The following BSCL2 variants were observed in gnomAD, a reference collection of about 807,000 sequenced individuals.
The protein encoded by BSCL2 is seipin.
BSCL2 carries 41 observed loss-of-function variants against 57.4 expected under a neutral mutation model. The ratio of observed to expected loss-of-function variants is 0.71; its 90% confidence interval spans 0.56 to 0.93. The LOEUF (loss-of-function observed/expected upper bound fraction) is 0.93. Among genes scored for constraint, BSCL2 ranks in the 40% least tolerant of loss-of-function variants. BSCL2 has a pLI of 0.00. For synonymous variants in BSCL2, 237 were observed against 227.3 expected (o/e 1.04, Z -0.38); for missense variants, 539 against 586.7 (o/e 0.92, Z 0.84).
intron 3 of BSCL2, among the ~76,000 whole-genome samples, chr11:62,698,023 TCA>T (rs1329438838): frequency 6.7e-6 from 1 of 149,984 alleles, no homozygotes; most frequent in Non-Finnish European, 1.5e-5. Context: ...TTCTCCTGCC[TCA>T]GTCTCCCGAG....
chr11:62,691,439 G>C lies in BSCL2; in HGVS notation c.864-18C>G. The stretch of plus-strand genomic sequence containing the variant: ...GCAGGTATCTGAGGCAGGAAGTAGG[G>C]ACAAGAAGGTAGTAGCAGTTACCAG... On this transcript the variant is annotated intron_variant, in intron 6 of 10. Coordinates refer to ENST00000360796, the MANE Select transcript of BSCL2 (RefSeq NM_001122955.4). 3 of 1,613,864 alleles carry C rather than the reference G, an allele frequency of 1.9e-6. No individual in the cohort carries two copies. Among genetic ancestry groups the C allele is most frequent in the Non-Finnish European group, 2.5e-6 (3 of 1,179,796 alleles).
intron 2 of BSCL2, among the ~76,000 whole-genome samples, chr11:62,704,613 G>A (rs921012885): frequency 6.6e-6 from 1 of 151,588 alleles, no homozygotes. Context: ...TTAGCCAGAT[G>A]TGGTGGCACA....
chr11:62,702,955 A>G (rs1945689027), intron 2 of BSCL2, among the ~76,000 whole-genome samples: 1 of 152,088 alleles, frequency 6.6e-6, no homozygotes, highest in African/African-American at 2.4e-5. Flanking sequence ...GTTTAAGACC[A>G]GCCTGACCAA....
At chr11:62,703,778 T>C (rs750826437) in intron 2 of BSCL2, among the ~76,000 whole-genome samples, 4 of 152,036 alleles carry the variant, frequency 2.6e-5, no homozygotes, top group Admixed American at 1.3e-4. Context: ...CCATTGATTA[T>C]AACGCCCTTC....
chr11:62,708,465 G>A, upstream of BSCL2: 1 of 1,279,912 alleles, frequency 7.8e-7, no homozygotes, highest in Admixed American at 1.7e-5. Flanking sequence ...CAAAGCTCAA[G>A]ATAAGAGATG....
At position 62,707,112 on chromosome 11, in the gene BSCL2, C is replaced by T. The variant is rs533121140; in HGVS notation, c.84G>A (p.Glu28=). 1.9e-6 allele frequency: 3 copies of T among 1,553,362 alleles called. No homozygotes were observed. Among genetic ancestry groups the T allele is most frequent in the African/African-American group, 1.4e-5 (1 of 73,304 alleles). ...CTGTCCCCACAAGGGCCCCTACCTC[C>T]TCTTTGTCCGGTCCTTTGATCTGGT... ...CGDQIKGPDK[E]EEPPAAASHG... The change falls in exon 1 of 11, where the codon GAG becomes GAA. Residue 28 remains glutamate, a synonymous_variant. Coordinates refer to ENST00000360796, the MANE Select transcript of BSCL2 (RefSeq NM_001122955.4).
chr11:62,691,561 C>T, intron 6 of BSCL2, 140 bp from the exon 7 acceptor site: 1 of 1,042,370 alleles, frequency 9.6e-7, no homozygotes, highest in Non-Finnish European at 1.4e-6. Context: ...CCCACCCACA[C>T]AGTTTCCAGA....
chr11:62,702,646 C>T (rs1257181986), intron 2 of BSCL2, 97 bp from the exon 3 acceptor site: 2 of 977,038 alleles, frequency 2.0e-6, no homozygotes, highest in Non-Finnish European at 3.2e-6. Context: ...GCCCTCCTCC[C>T]TTCTCTCAGA....
chr11:62,709,359 G>GT, upstream of BSCL2: 1 of 454,034 alleles, frequency 2.2e-6, no homozygotes, highest in Non-Finnish European at 4.4e-6. Flanking sequence ...CGTCCACAGT[G>GT]TAAGAATTAA....
At position 62,691,356 on chromosome 11, in the gene BSCL2, A is replaced by AGGAAG; in HGVS notation, c.924_928dup (p.Leu310ProfsTer92). The AGGAAG allele has an allele frequency of 6.2e-7, 1 of 1,614,236 alleles. No homozygotes were observed. The highest frequency in any genetic ancestry group is 8.5e-7 in the Non-Finnish European group (1 of 1,180,042). On this transcript the variant is annotated frameshift_variant, in exon 7 of 11. Coordinates refer to ENST00000360796, the MANE Select transcript of BSCL2 (RefSeq NM_001122955.4). LOFTEE classifies it high-confidence loss of function. ...GTAGCTGAAGAGCACGATGACGCTGAGGAAGGTGAAGTTGCTGGCAACACC... is the reference window on the plus strand; with the variant it reads ...GTAGCTGAAGAGCACGATGACGCTGAGGAAGGGAAGGTGAAGTTGCTGGCAACACC...
chr11:62,702,319 G>C, intron 3 of BSCL2, 149 bp downstream of exon 3: 1 of 661,270 alleles, frequency 1.5e-6, no homozygotes, highest in Non-Finnish European at 2.7e-6. Context: ...GCCCACCTCA[G>C]CCTCCCAAAG....
intron 3 of BSCL2, among the ~76,000 whole-genome samples, chr11:62,701,769 T>C (rs1354399207): frequency 2.7e-5 from 4 of 146,614 alleles, no homozygotes; most frequent in East Asian, 2.0e-4. Context: ...GAGGTGGAGG[T>C]TGCAGTGAGC....
intron 6 of BSCL2, among the ~76,000 whole-genome samples, chr11:62,691,788 C>A (rs534657447): frequency 1.2e-4 from 18 of 152,264 alleles, no homozygotes; most frequent in East Asian, 1.9e-4. Context: ...CGGTGGCTCA[C>A]GCCTGTAATC....
upstream of BSCL2, chr11:62,708,172 G>A (rs1293456031): frequency 2.8e-6 from 2 of 726,032 alleles, no homozygotes; most frequent in East Asian, 2.5e-5. Context: ...AGGAGGAGGA[G>A]GAGGATAGGA....
upstream of BSCL2, chr11:62,708,455 C>A: frequency 7.5e-7 from 1 of 1,339,678 alleles, no homozygotes; most frequent in Non-Finnish European, 1.1e-6. Flanking sequence ...TGCAGGTTCC[C>A]AAAGCTCAAG....
chr11:62,691,258 G>C, intron 7 of BSCL2, 22 bp downstream of exon 7: 1 of 1,614,162 alleles, frequency 6.2e-7, no homozygotes, highest in Non-Finnish European at 8.5e-7. Flanking sequence ...AGGGACAAAA[G>C]GGGGTCCTTG....
At chr11:62,705,273 C>G in intron 2 of BSCL2, 28 bp downstream of exon 2, 1 of 1,575,324 alleles carries the variant, frequency 6.3e-7, no homozygotes, top group Non-Finnish European at 8.6e-7. Context: ...CATAGGAGTC[C>G]TCTATTTTGA....
At chr11:62,706,976 C>T (rs1453572105) in intron 1 of BSCL2, 133 bp downstream of exon 1, 1 of 782,480 alleles carries the variant, frequency 1.3e-6, no homozygotes, top group African/African-American at 1.7e-5. Context: ...TCTTTGCACA[C>T]TGCTGCGGGC....
chr11:62,702,072 C>CTTT (rs34474748), intron 3 of BSCL2, among the ~76,000 whole-genome samples: 2 of 147,340 alleles, frequency 1.4e-5, no homozygotes, highest in African/African-American at 2.5e-5. Context: ...TCTTAGTCTC[C>CTTT]TTTTTTTTTT....
Sources: allele counts gnomAD v4.1 joint callset (sites outside exome capture counted in the v4.1 genomes callset), GRCh38; gene constraint gnomAD v4.1.1; transcripts MANE v1.5; gene names NCBI Gene and HGNC (gene_info 2026-07-23, HGNC 2026-07-21).